Variants in ATP5MG observed in about 807,000 individuals in gnomAD.
ATP5MG encodes the protein ATP synthase F(0) complex subunit g, mitochondrial.
ATP5MG carries 7 observed loss-of-function variants against 12.7 expected under a neutral mutation model. The observed-to-expected ratio is 0.55, with a 90% CI of 0.31 to 1.04. The LOEUF (loss-of-function observed/expected upper bound fraction) is 1.04, where lower values mean the gene tolerates loss of function less well. Among genes scored for constraint, ATP5MG ranks in the 50% least tolerant of loss-of-function variants. ATP5MG has a pLI of 0.05. For synonymous variants in ATP5MG, 53 were observed against 48.2 expected, an observed-to-expected ratio of 1.10 and a Z score of -0.41; for missense variants, 116 against 126.7, an observed-to-expected ratio of 0.92 and a Z score of 0.41.
In ATP5MG at chr11:118,401,778, C is replaced by T; in HGVS notation, c.52+61C>T. The T allele has an allele frequency of 1.9e-6, 3 of 1,580,668 alleles. No homozygotes were observed. In the East Asian group the frequency reaches 6.8e-5, roughly 36 times the overall value. On this transcript the variant is annotated intron_variant, in intron 1 of 2. Coordinates refer to ENST00000300688, the MANE Select transcript of ATP5MG (RefSeq NM_006476.5). ...GGGCGGCAGGGAGGCCTGCGATGGC[C>T]TGAGAGGAAGAAGCGGGCTGCGAAG...
At chr11:118,406,756 C>A in intron 1 of ATP5MG, 181 bp from the exon 2 acceptor site, 1 of 865,876 alleles carries the variant, frequency 1.2e-6, no homozygotes, top group Non-Finnish European at 1.7e-6. Context: ...TGTTCTGCAT[C>A]TTTAAAAGCC....
rs1476097482 is a variant in ATP5MG at position 118,406,774 on chromosome 11, A to C, written c.53-163A>C. 13 of 1,035,696 alleles carry C rather than the reference A, an allele frequency of 1.3e-5. No homozygotes were observed. The Admixed American group carries it at 3.5e-4, about 28-fold the overall frequency. The allele number at this position is 1,035,696 out of a possible 1,614,324, so 64.2% of individuals were successfully genotyped here. A position where few individuals can be genotyped will look rare whatever the true frequency, so the allele number is the denominator to read the frequency against. On this transcript the variant is annotated intron_variant, in intron 1 of 2. Transcript: ENST00000300688. The stretch of plus-strand genomic sequence containing the variant: ...TCTGCATCTTTAAAAGCCTCTTGTT[A>C]CCAGGGAGCAGCTTTGACTTTTCAC...
chr11:118,407,888 C>T (rs1390704537), intron 2 of ATP5MG, among the ~76,000 whole-genome samples: 3 of 151,426 alleles, frequency 2.0e-5, no homozygotes, highest in Non-Finnish European at 2.9e-5. Context: ...AAAGGCTGGG[C>T]GCAGTGGCTC....
intron 1 of ATP5MG, among the ~76,000 whole-genome samples, chr11:118,405,082 C>T (rs1398311015): frequency 6.6e-6 from 1 of 152,168 alleles, no homozygotes; most frequent in Non-Finnish European, 1.5e-5. Context: ...TAGAATCAGC[C>T]ATTTCTCCAA....
intron 1 of ATP5MG, among the ~76,000 whole-genome samples, chr11:118,403,505 AAAT>A (rs1312942530): frequency 2.6e-5 from 4 of 151,090 alleles, no homozygotes; most frequent in Non-Finnish European, 5.9e-5. Flanking sequence ...CAAAAAAAAA[AAAT>A]AATAATGCTG....
In ATP5MG at chr11:118,406,953, G is replaced by A. The variant is rs368307639; in HGVS notation, c.69G>A (p.Ser23=). 6.2e-6 allele frequency: 10 copies of A among 1,609,330 alleles called. No homozygotes were observed. The highest frequency in any genetic ancestry group is 4.4e-5 in the South Asian group (4 of 90,264). The change falls in exon 2 of 3, where the codon TCG becomes TCA. Residue 23 remains serine (S), a synonymous_variant. Coordinates refer to ENST00000300688, the MANE Select transcript of ATP5MG (RefSeq NM_006476.5). The stretch of plus-strand genomic sequence containing the variant: ...GTTTTCCAGCTGCTGTGACTTACTC[G>A]AAGCCTCGATTGGCCACATTTTGGT... The part of the protein sequence containing the change: ...PALVNAAVTY[S]KPRLATFWYY...
intron 2 of ATP5MG, chr11:118,407,371 A>G (rs888480838): frequency 1.7e-5 from 6 of 359,302 alleles, no homozygotes; most frequent in Non-Finnish European, 3.1e-5. Context: ...CCTTTCCTAT[A>G]TTAGATAGTA....
chr11:118,407,277 A>G, intron 2 of ATP5MG, 180 bp downstream of exon 2: 1 of 921,490 alleles, frequency 1.1e-6, no homozygotes, highest in East Asian at 2.8e-5. Flanking sequence ...CTGGGTAGAA[A>G]TAATTAGCCC....
intron 1 of ATP5MG, among the ~76,000 whole-genome samples, chr11:118,403,333 A>C (rs963378783): frequency 2.6e-5 from 4 of 151,208 alleles, no homozygotes; most frequent in Non-Finnish European, 1.5e-5. Context: ...CCATCTCTAC[A>C]AAAAATACAA....
chr11:118,406,794 T>A, intron 1 of ATP5MG, 143 bp from the exon 2 acceptor site: 1 of 1,306,780 alleles, frequency 7.7e-7, no homozygotes, highest in Non-Finnish European at 1.0e-6. Flanking sequence ...AGCTTTGACT[T>A]TTCACACCGG....
chr11:118,401,944 T>A (rs1291129671), intron 1 of ATP5MG: 13 of 523,228 alleles, frequency 2.5e-5, no homozygotes, highest in Non-Finnish European at 4.0e-5. Flanking sequence ...TCCTGAATTC[T>A]AACCACGACT....
intron 1 of ATP5MG, 135 bp from the exon 2 acceptor site, chr11:118,406,802 C>T (rs1244801593): frequency 3.4e-5 from 45 of 1,336,692 alleles, no homozygotes; most frequent in Non-Finnish European, 4.0e-5. Context: ...CTTTTCACAC[C>T]GGGTGCACAT....
At chr11:118,408,240 A>C (rs782771490) in intron 2 of ATP5MG, among the ~76,000 whole-genome samples, 1 of 152,218 alleles carries the variant, frequency 6.6e-6, no homozygotes, top group African/African-American at 2.4e-5. Flanking sequence ...CAAAAAGCCT[A>C]AACAATTGCT....
At chr11:118,406,844 G>T in intron 1 of ATP5MG, 93 bp from the exon 2 acceptor site, 8 of 1,506,278 alleles carry the variant, frequency 5.3e-6, no homozygotes, top group Non-Finnish European at 7.1e-6. Flanking sequence ...GGTGATGCAT[G>T]AATAAATATT....
intron 1 of ATP5MG, among the ~76,000 whole-genome samples, chr11:118,402,060 G>A (rs1189728894): frequency 3.3e-5 from 5 of 152,160 alleles, no homozygotes; most frequent in Non-Finnish European, 1.5e-5. Context: ...GGTTCTGTTA[G>A]GAGAGCTAAG....
At chr11:118,402,351 G>A (rs1378551062) in intron 1 of ATP5MG, among the ~76,000 whole-genome samples, 1 of 152,074 alleles carries the variant, frequency 6.6e-6, no homozygotes, top group East Asian at 1.9e-4. Flanking sequence ...CTTAGCATTC[G>A]TGGAATTTTT....
intron 2 of ATP5MG, chr11:118,407,409 G>C (rs1397552617): frequency 4.1e-6 from 1 of 241,030 alleles, no homozygotes; most frequent in African/African-American, 2.3e-5. Flanking sequence ...TTGCTTTGCT[G>C]AGTCTGTACT....
intron 2 of ATP5MG, among the ~76,000 whole-genome samples, 186 bp from the exon 3 acceptor site, chr11:118,408,814 C>T (rs528175208): frequency 6.6e-6 from 1 of 152,112 alleles, no homozygotes; most frequent in South Asian, 2.1e-4. Flanking sequence ...CAAGGGTTCT[C>T]AGCAGTTGAA....
At chr11:118,403,336 A>G (rs1555131486) in intron 1 of ATP5MG, among the ~76,000 whole-genome samples, 1 of 151,956 alleles carries the variant, frequency 6.6e-6, no homozygotes, top group African/African-American at 2.4e-5. Context: ...TCTCTACAAA[A>G]AATACAAAAA....
Sources: gnomAD v4.1 joint callset for allele counts (sites outside exome capture counted in the v4.1 genomes callset) on GRCh38, gnomAD v4.1.1 for gene constraint, MANE v1.5 for transcripts, NCBI Gene and HGNC (gene_info 2026-07-23, HGNC 2026-07-21) for gene names.